Variants in PACS2 observed in about 807,000 individuals in gnomAD.
The protein encoded by PACS2 is phosphofurin acidic cluster sorting protein 2.
A neutral mutation model predicts 113.0 loss-of-function variants in PACS2; 36 were observed. The observed-to-expected ratio is 0.32, with a 90% CI of 0.24 to 0.42. The LOEUF is 0.42. Ranked by LOEUF, PACS2 falls within the 10% of genes least tolerant of loss-of-function variation. The pLI is 1.00. For synonymous variants in PACS2, 589 were observed against 536.1 expected (o/e 1.10, Z -1.36); for missense variants, 1,015 against 1,239.5 (o/e 0.82, Z 2.72).
At chr14:105,347,858 C>G (rs782082417) in intron 1 of PACS2, among the ~76,000 whole-genome samples, 6 of 152,120 alleles carry the variant, frequency 3.9e-5, no homozygotes, top group Non-Finnish European at 8.8e-5. Flanking sequence ...CATGTTCACA[C>G]GGGGCAGCAC....
chr14:105,301,613 C>G (rs1422743009), intron 1 of PACS2, among the ~76,000 whole-genome samples: 1 of 152,244 alleles, frequency 6.6e-6, no homozygotes, highest in Non-Finnish European at 1.5e-5. Context: ...TCCGCCGCTC[C>G]GCTCGCCCAG....
intron 23 of PACS2, 24 bp downstream of exon 23, chr14:105,392,869 C>G: frequency 6.5e-7 from 1 of 1,537,382 alleles, no homozygotes; most frequent in Non-Finnish European, 8.9e-7. Flanking sequence ...GGCTATAAGG[C>G]CACACGGCGC....
chr14:105,389,913 G>A (rs377500279), intron 19 of PACS2, 48 bp from the exon 20 acceptor site: 196 of 1,552,256 alleles, frequency 1.3e-4, no homozygotes, highest in South Asian at 8.2e-4. Flanking sequence ...CCCACCAGGC[G>A]GGGCTGTGCC....
chr14:105,347,519 G>T (rs958428324), intron 1 of PACS2, among the ~76,000 whole-genome samples: 1 of 152,212 alleles, frequency 6.6e-6, no homozygotes, highest in Non-Finnish European at 1.5e-5. Flanking sequence ...CAGCCCAGGA[G>T]GTGGGTGCCA....
chr14:105,339,542 C>G (rs1488685611), intron 1 of PACS2, among the ~76,000 whole-genome samples: 1 of 150,030 alleles, frequency 6.7e-6, no homozygotes, highest in Non-Finnish European at 1.5e-5. Context: ...AAAGAAAAGA[C>G]CAGCAGGGCC....
At chr14:105,341,275 A>G (rs1315752490) in intron 1 of PACS2, among the ~76,000 whole-genome samples, 3 of 152,204 alleles carry the variant, frequency 2.0e-5, no homozygotes, top group African/African-American at 4.8e-5. Context: ...AGAAGCCTCT[A>G]TTCTCTGGGA....
At chr14:105,310,256 C>T (rs1022997002), upstream of PACS2, among the ~76,000 whole-genome samples, 4 of 151,680 alleles carry the variant, frequency 2.6e-5, no homozygotes, top group Non-Finnish European at 5.9e-5. Flanking sequence ...GTGAGCCAGG[C>T]ACAGTGGCTC....
intron 4 of PACS2, among the ~76,000 whole-genome samples, chr14:105,362,441 A>G (rs1193395971): frequency 4.6e-5 from 7 of 151,532 alleles, no homozygotes; most frequent in South Asian, 2.1e-4. Context: ...GAAAAGAAAA[A>G]AAAAGAATGG....
chr14:105,361,005 G>A (rs587613822), intron 4 of PACS2, among the ~76,000 whole-genome samples: 2 of 152,290 alleles, frequency 1.3e-5, no homozygotes, highest in Non-Finnish European at 2.9e-5. Context: ...CAGCAATTCA[G>A]TCAGTCCTCA....
At chr14:105,369,786 G>A (rs955189658) in intron 7 of PACS2, 55 bp from the exon 8 acceptor site, 184 of 1,447,338 alleles carry the variant, frequency 1.3e-4, no homozygotes, top group Middle Eastern at 1.7e-4. Flanking sequence ...AGGGGCTCCA[G>A]CGGCGGGTCT....
At chr14:105,394,399 C>G in intron 24 of PACS2, 155 bp from the exon 25 acceptor site, 2 of 985,332 alleles carry the variant, frequency 2.0e-6, no homozygotes, top group Non-Finnish European at 2.4e-6. Context: ...CTGGAGCCCC[C>G]GAGTCCCTGA....
chr14:105,354,023 G>A lies in PACS2; in HGVS notation c.298-1029G>A, dbSNP rs953380946. ...CGCTTGAACCCGGGAGGTGGAGGTT[G>A]GTTGCAGTGAGCTGAGATCATGCCA... On this transcript the variant is annotated intron_variant, in intron 3 of 24. Coordinates refer to ENST00000447393, the MANE Select transcript of PACS2 (RefSeq NM_001100913.3). The surrounding 1 kb of genome is among the most constrained non-coding windows in gnomAD (Gnocchi z 4.2). Among the ~76,000 whole-genome samples the A allele has an allele frequency of 3.3e-5, 5 of 151,912 alleles. No individual in the cohort carries two copies. Among genetic ancestry groups the A allele is most frequent in the Non-Finnish European group, 5.9e-5 (4 of 67,962 alleles).
intron 1 of PACS2, among the ~76,000 whole-genome samples, chr14:105,326,858 C>T (rs2059129006): frequency 1.3e-5 from 2 of 152,334 alleles, no homozygotes; most frequent in Admixed American, 6.5e-5. Context: ...TGGGTGGCCT[C>T]CAGTCACCGC....
In PACS2 at chr14:105,314,764, C is replaced by T; in HGVS notation, c.-155C>T. 6.1e-6 allele frequency: 1 copy of T among 162,864 alleles called. No homozygotes were observed. The highest frequency in any genetic ancestry group is 1.2e-5 in the Non-Finnish European group (1 of 81,958). 10.1% of individuals were successfully genotyped at this position (162,864 alleles called of 1,614,324 possible). On this transcript the variant is annotated 5_prime_UTR_variant, in exon 1 of 25. Coordinates refer to ENST00000447393, the MANE Select transcript of PACS2 (RefSeq NM_001100913.3). ...GGAGCGGCCGCAGCTCGTCGCCGCCCGCGGGCCTGTCCGACGCCGGGGCCC... is the reference window on the plus strand; with the variant it reads ...GGAGCGGCCGCAGCTCGTCGCCGCCTGCGGGCCTGTCCGACGCCGGGGCCC...
At chr14:105,319,038 C>A (rs1005619439) in intron 1 of PACS2, among the ~76,000 whole-genome samples, 4 of 151,770 alleles carry the variant, frequency 2.6e-5, no homozygotes, top group Non-Finnish European at 5.9e-5. Context: ...ACCTCCACTT[C>A]CCGGGTTCAA....
At chr14:105,331,749 G>A (rs1264070045) in intron 1 of PACS2, among the ~76,000 whole-genome samples, 1 of 152,242 alleles carries the variant, frequency 6.6e-6, no homozygotes, top group East Asian at 1.9e-4. Flanking sequence ...TGCCTTTGAT[G>A]AGTATGGCTT....
chr14:105,314,496 A>C (rs948419398), upstream of PACS2: 1 of 145,660 alleles, frequency 6.9e-6, no homozygotes, highest in African/African-American at 2.5e-5. Context: ...GTCTGTGCGC[A>C]GGCGCGTGAG....
In PACS2 at chr14:105,304,288, A is replaced by T. The variant is rs915027457; in HGVS notation, c.-83+3309A>T. Among the ~76,000 whole-genome samples the T allele has an allele frequency of 5.3e-5, 8 of 152,104 alleles. 1 individual carries two copies. The highest frequency in any genetic ancestry group is 2.0e-4 in the Admixed American group (3 of 15,260). On this transcript the variant is annotated intron_variant, in intron 1 of 23. Transcript: ENST00000430725. ...GGGCAGATCACGAGGTCAAGAGATCAAGACCGTCCTGGCCAACATGGTGAA... is the reference window on the plus strand; with the variant it reads ...GGGCAGATCACGAGGTCAAGAGATCTAGACCGTCCTGGCCAACATGGTGAA...
Position 105,314,828 on chromosome 14 carries a change from GCCGCCGCCCTCCGCGCGCCCGGCCCGC to G in PACS2, c.-83_-57del, listed in dbSNP as rs1303731969. On this transcript the variant is annotated 5_prime_UTR_variant, in exon 1 of 25. Transcript: ENST00000447393. ...CGCCGCCCGGCAGCCATGTGACCGCGCCGCCGCCCTCCGCGCGCCCGGCCCGCCCGCCGCGCGTCCGCGGCCCGGCCG... is the reference window on the plus strand; with the variant it reads ...CGCCGCCCGGCAGCCATGTGACCGCGCCGCCGCGCGTCCGCGGCCCGGCCG... 7.5e-6 allele frequency: 3 copies of G among 397,840 alleles called. No homozygotes were observed. The highest frequency in any genetic ancestry group is 1.0e-5 in the Non-Finnish European group (3 of 296,840). The allele number at this position is 397,840 out of a possible 1,614,324, so 24.6% of individuals were successfully genotyped here. A position where few individuals can be genotyped will look rare whatever the true frequency, so the allele number is the denominator to read the frequency against.
Sources: gnomAD v4.1 joint callset for allele counts (sites outside exome capture counted in the v4.1 genomes callset) on GRCh38, gnomAD v4.1.1 for gene constraint, Gnocchi (gnomAD v3.1) non-coding constraint, MANE v1.5 for transcripts, NCBI Gene and HGNC (gene_info 2026-07-23, HGNC 2026-07-21) for gene names.